The following SPOCK3 variants were observed in gnomAD, a reference collection of about 807,000 sequenced individuals.
The protein encoded by SPOCK3 is SPARC (osteonectin), cwcv and kazal like domains proteoglycan 3.
A neutral mutation model predicts 56.6 loss-of-function variants in SPOCK3; 30 were observed. The observed-to-expected ratio is 0.53, with a 90% confidence interval of 0.40 to 0.72. SPOCK3 has a LOEUF of 0.72. Ranked by LOEUF, SPOCK3 falls within the 30% of genes least tolerant of loss-of-function variation. The probability of loss-of-function intolerance (pLI) is 0.00; values close to 1 mark genes in which losing one functional copy is unlikely to be tolerated. For synonymous variants in SPOCK3, 196 were observed against 183.3 expected (o/e 1.07, Z -0.56); for missense variants, 527 against 530.0 (o/e 0.99, Z 0.06).
chr4:166,770,347 T>C (rs1199631357), intron 7 of SPOCK3, among the ~76,000 whole-genome samples: 1 of 152,146 alleles, frequency 6.6e-6, no homozygotes, highest in Non-Finnish European at 1.5e-5. Flanking sequence ...GATGTCCTCT[T>C]TTAAGAATGT....
rs530422388 is a variant in SPOCK3, at chr4:167,189,385, C to T, written c.189+44600G>A. Among the ~76,000 whole-genome samples the T allele has an allele frequency of 1.9e-4, 27 of 145,262 alleles. 3 individuals carry two copies. The highest frequency in any genetic ancestry group is 1.0e-4 in the Non-Finnish European group (7 of 66,734). On this transcript the variant is annotated intron_variant, in intron 2 of 10. Coordinates refer to ENST00000357545, the MANE Select transcript of SPOCK3 (RefSeq NM_001040159.2). ...ATTAATAATATACTTACCATATGAG[C>T]CAATAATGCCATTCATAAGTATTTA...
At chr4:166,915,650 C>T (rs1290585038) in intron 4 of SPOCK3, among the ~76,000 whole-genome samples, 2 of 151,924 alleles carry the variant, frequency 1.3e-5, no homozygotes, top group Non-Finnish European at 2.9e-5. Flanking sequence ...TGAAGATGAG[C>T]AAAGCAACAT....
chr4:167,153,106 A>C (rs2150420218), intron 2 of SPOCK3, among the ~76,000 whole-genome samples: 1 of 152,276 alleles, frequency 6.6e-6, no homozygotes, highest in African/African-American at 2.4e-5. Context: ...CATTCTACAG[A>C]TGATAAAACT....
rs113006773 is a variant in SPOCK3, at chr4:167,068,861, T to G, written c.190-6324A>C. On this transcript the variant is annotated intron_variant, in intron 2 of 10. Transcript: ENST00000357545. ...GACTAAGTATGTAAAGAGAAACCTATTCAAAGCATGATGGGAGCAAGAAGA... is the reference window on the plus strand; with the variant it reads ...GACTAAGTATGTAAAGAGAAACCTAGTCAAAGCATGATGGGAGCAAGAAGA... Among the ~76,000 whole-genome samples the G allele has an allele frequency of 1.9e-3, 295 of 152,012 alleles. 2 individuals carry two copies. The highest frequency in any genetic ancestry group is 6.8e-3 in the African/African-American group (284 of 41,538).
chr4:166,831,563 A>G (rs555239924), intron 6 of SPOCK3, among the ~76,000 whole-genome samples: 3 of 152,082 alleles, frequency 2.0e-5, no homozygotes, highest in Non-Finnish European at 4.4e-5. Flanking sequence ...ATTTCATTTA[A>G]CATATCAAAT....
At chr4:166,913,825 T>C (rs1185937362) in intron 4 of SPOCK3, among the ~76,000 whole-genome samples, 3 of 152,108 alleles carry the variant, frequency 2.0e-5, no homozygotes, top group Non-Finnish European at 4.4e-5. Context: ...CCTATCATAG[T>C]TCCAAATACG....
At chr4:167,108,784 A>G (rs1760418485) in intron 2 of SPOCK3, among the ~76,000 whole-genome samples, 1 of 150,586 alleles carries the variant, frequency 6.6e-6, no homozygotes, top group Non-Finnish European at 1.5e-5. Context: ...ATTTAACTAC[A>G]CTTTTAAAAA....
At chr4:167,100,311 TTC>T (rs1759524871) in intron 2 of SPOCK3, among the ~76,000 whole-genome samples, 1 of 152,100 alleles carries the variant, frequency 6.6e-6, no homozygotes, top group South Asian at 2.1e-4. Context: ...GCTTTCTCTT[TTC>T]TGTTACTAAA....
In SPOCK3 at chr4:166,737,553, C is replaced by G. The variant is rs766203406; in HGVS notation, c.1046G>C (p.Cys349Ser). Residue 349 changes from cysteine (C) to serine (S), a missense_variant, in exon 10 of 11, where the codon TGT (cysteine) becomes TCT (serine). Physicochemically the swap from Cys to Ser is moderately radical, Grantham distance 112 (BLOSUM62 -1). Transcript: ENST00000357545. ...DEDGYYKPTQ[C>S]HGSVGQCWCV... ...CCAGCACTGTCCAACACTGCCATGA[C>G]ATTGTGTTGGCTTGTAGTAACCATC... is the stretch of plus-strand genomic sequence containing the variant. The G allele has an allele frequency of 6.2e-7, 1 of 1,613,074 alleles. No homozygotes were observed. The highest frequency in any genetic ancestry group is 8.5e-7 in the Non-Finnish European group (1 of 1,179,434).
chr4:166,902,535 T>C (rs933845277), intron 5 of SPOCK3, among the ~76,000 whole-genome samples: 1 of 151,962 alleles, frequency 6.6e-6, no homozygotes, highest in African/African-American at 2.4e-5. Flanking sequence ...CTATATATTC[T>C]ACCTTTTTGG....
At chr4:167,160,702 A>T (rs566016323) in intron 2 of SPOCK3, among the ~76,000 whole-genome samples, 1 of 152,272 alleles carries the variant, frequency 6.6e-6, no homozygotes, top group South Asian at 2.1e-4. Flanking sequence ...GATATAGACC[A>T]ATGGAACAGA....
At chr4:167,234,234 A>C in intron 1 of SPOCK3, 61 bp from the exon 2 acceptor site, 1 of 1,551,520 alleles carries the variant, frequency 6.4e-7, no homozygotes, top group Non-Finnish European at 8.8e-7. Context: ...AGGGGTACGA[A>C]GCCAGGAGCG....
chr4:167,161,746 T>C (rs1235674414), intron 2 of SPOCK3, among the ~76,000 whole-genome samples: 3 of 151,990 alleles, frequency 2.0e-5, no homozygotes, highest in Non-Finnish European at 4.4e-5. Context: ...TGTAGGGACA[T>C]GGATGAAGCT....
At position 166,793,919 on chromosome 4, in the gene SPOCK3, T is replaced by C. The variant is rs182459397; in HGVS notation, c.590-1630A>G. Among the ~76,000 whole-genome samples, 211 of 152,228 alleles carry C rather than the reference T, an allele frequency of 1.4e-3. 2 individuals are homozygous for C. Among genetic ancestry groups the C allele is most frequent in the Admixed American group, 0.013 (195 of 15,284 alleles). The stretch of plus-strand genomic sequence containing the variant: ...CCCAGGATGCTAGTACAATATGTGA[T>C]ACACCAGAGATTAAATCAACAAGAG... On this transcript the variant is annotated intron_variant, in intron 6 of 10. Coordinates refer to ENST00000357545, the MANE Select transcript of SPOCK3 (RefSeq NM_001040159.2).
intron 8 of SPOCK3, among the ~76,000 whole-genome samples, chr4:166,753,315 C>T (rs1177570604): frequency 1.3e-5 from 2 of 151,926 alleles, no homozygotes; most frequent in Non-Finnish European, 2.9e-5. Flanking sequence ...TATTTAAATG[C>T]ACACTTGTCA....
chr4:166,883,386 A>G (rs1000524600), intron 6 of SPOCK3: 3 of 152,226 alleles, frequency 2.0e-5, no homozygotes, highest in Non-Finnish European at 4.4e-5. Flanking sequence ...AAGGAAGCTA[A>G]TGATTACAAA....
At chr4:166,969,492 TGTGTTTAACACTTTTAACACA>T (rs1237943668) in intron 4 of SPOCK3, among the ~76,000 whole-genome samples, 5 of 123,646 alleles carry the variant, frequency 4.0e-5, no homozygotes, top group African/African-American at 2.3e-4. Flanking sequence ...GTTGTTTAAA[TGTGTTTAACACTTTTAACACA>T]TTAAATGTGT....
At chr4:167,056,192 G>A (rs182528882) in intron 3 of SPOCK3, among the ~76,000 whole-genome samples, 53 of 152,288 alleles carry the variant, frequency 3.5e-4, no homozygotes, top group African/African-American at 1.1e-3. Context: ...CCAGGCAAAC[G>A]GGGTCTGGAG....
In SPOCK3 at chr4:166,803,004, T is replaced by C. The variant is rs28622414; in HGVS notation, c.590-10715A>G. On this transcript the variant is annotated intron_variant, in intron 6 of 10. Coordinates refer to ENST00000357545, the MANE Select transcript of SPOCK3 (RefSeq NM_001040159.2). ...TAGTGGTGTTTCTGTTGCACAAAAG[T>C]GTAAAATCAGATAACTTGGTCTCCA... is the stretch of plus-strand genomic sequence containing the variant. 4.7e-3 allele frequency among the ~76,000 whole-genome samples: 711 copies of C among 152,152 alleles called. 10 individuals carry two copies. Among genetic ancestry groups the C allele is most frequent in the African/African-American group, 0.016 (681 of 41,526 alleles).
Sources: gnomAD v4.1 joint callset for allele counts (sites outside exome capture counted in the v4.1 genomes callset) on GRCh38, gnomAD v4.1.1 for gene constraint, MANE v1.5 for transcripts, NCBI Gene and HGNC (gene_info 2026-07-23, HGNC 2026-07-21) for gene names.